Variants in MYH9 observed in about 807,000 individuals in gnomAD.
MYH9 encodes myosin-9.
MYH9 carries 29 observed loss-of-function variants against 241.9 expected under a neutral mutation model. That is an observed-to-expected ratio of 0.12 (90% CI 0.09 to 0.16). The LOEUF is 0.16. Ranked by LOEUF, MYH9 falls within the 10% of genes least tolerant of loss-of-function variation. MYH9 has a pLI of 1.00. For missense variants in MYH9, 1,803 were observed against 2,595.5 expected, an observed-to-expected ratio of 0.69 and a Z score of 6.63; for synonymous variants, 1,047 against 1,062.6, an observed-to-expected ratio of 0.99 and a Z score of 0.29.
chr22:36,381,790 T>C lies in MYH9; in HGVS notation c.-20+6017A>G, dbSNP rs924441470. Among the ~76,000 whole-genome samples the C allele has an allele frequency of 4.6e-5, 7 of 152,196 alleles. 1 individual carries two copies. The highest frequency in any genetic ancestry group is 7.4e-5 in the Non-Finnish European group (5 of 68,024). The stretch of plus-strand genomic sequence containing the variant: ...TTCAAAGGGATGCAAGGACTTCCAC[T>C]GTACAGCTGTACCATGATTTAGTTG... On this transcript the variant is annotated intron_variant, in intron 1 of 40. Transcript: ENST00000216181.
In MYH9 at chr22:36,306,700, C is replaced by T. The variant is rs1290276326; in HGVS notation, c.1844-93G>A. The T allele has an allele frequency of 7.9e-7, 1 of 1,259,818 alleles. No individual in the cohort carries two copies. Among genetic ancestry groups the T allele is most frequent in the Non-Finnish European group, 1.1e-6 (1 of 892,154 alleles). The allele number at this position is 1,259,818 out of a possible 1,614,324, so 78.0% of individuals were successfully genotyped here. On this transcript the variant is annotated intron_variant, in intron 15 of 40. Coordinates refer to ENST00000216181, the MANE Select transcript of MYH9 (RefSeq NM_002473.6). The surrounding 1 kb of genome is among the most constrained non-coding windows in gnomAD (Gnocchi z 4.1). ...GAGAGAGAGACAGGCACACGTCGGA[C>T]AGGAAAAGAGGAGACAGAATGAAAC...
At chr22:36,313,017 G>T (rs2017090198) in intron 13 of MYH9, among the ~76,000 whole-genome samples, 1 of 150,068 alleles carries the variant, frequency 6.7e-6, no homozygotes, top group Non-Finnish European at 1.5e-5. Flanking sequence ...TTCAAACAGG[G>T]AGGCAAAGGT....
Position 36,320,114 on chromosome 22 carries a change from G to C in MYH9, c.1012+106C>G. 6.6e-7 allele frequency: 1 copy of C among 1,511,168 alleles called. No homozygotes were observed. The highest frequency in any genetic ancestry group is 9.1e-7 in the Non-Finnish European group (1 of 1,095,272). 93.6% of individuals were successfully genotyped at this position (1,511,168 alleles called of 1,614,324 possible). ...CACTGAAGGCCTTCCCCTTCCCCTGGCCTCTAGCAGGCTCCCCAGGCCCAT... is the reference window on the plus strand; with the variant it reads ...CACTGAAGGCCTTCCCCTTCCCCTGCCCTCTAGCAGGCTCCCCAGGCCCAT... On this transcript the variant is annotated intron_variant, in intron 9 of 40. Coordinates refer to ENST00000216181, the MANE Select transcript of MYH9 (RefSeq NM_002473.6). The surrounding 1 kb of genome is among the most constrained non-coding windows in gnomAD (Gnocchi z 4.8).
At chr22:36,314,378 A>G in intron 12 of MYH9, 60 bp from the exon 13 acceptor site, 1 of 1,598,290 alleles carries the variant, frequency 6.3e-7, no homozygotes, top group Non-Finnish European at 8.6e-7. Context: ...AGGCCCAGAC[A>G]CCCCTTGAGA....
chr22:36,328,319 T>G (rs1017121357), intron 3 of MYH9, among the ~76,000 whole-genome samples: 1 of 152,224 alleles, frequency 6.6e-6, no homozygotes, highest in Non-Finnish European at 1.5e-5. Flanking sequence ...ATGCCCACAC[T>G]CTGAAAGCTA....
In MYH9 at chr22:36,301,055, G is replaced by A. The variant is rs2016869142; in HGVS notation, c.2634C>T (p.Leu878=). The part of the protein sequence containing the change: ...LTEMETLQSQ[L]MAEKLQLQEQ... ...CCTGCAGCTGCAATTTCTCTGCCAT[G>A]AGCTGCAAACAACAAGTGGAAAACA... Residue 878 remains leucine, a splice_region_variant and synonymous_variant, in exon 22 of 41, where the codon CTC becomes CTT. Coordinates refer to ENST00000216181, the MANE Select transcript of MYH9 (RefSeq NM_002473.6). 7 of 1,609,132 alleles carry A rather than the reference G, an allele frequency of 4.4e-6. No individual in the cohort carries two copies. Among genetic ancestry groups the A allele is most frequent in the African/African-American group, 1.3e-5 (1 of 74,924 alleles).
At chr22:36,382,045 C>T (rs531389221) in intron 1 of MYH9, among the ~76,000 whole-genome samples, 1 of 152,238 alleles carries the variant, frequency 6.6e-6, no homozygotes, top group Admixed American at 6.5e-5. Flanking sequence ...CCAGGCTGAT[C>T]TCGAACTCCT....
intron 14 of MYH9, 55 bp downstream of exon 14, chr22:36,311,994 G>A (rs1357200172): frequency 8.1e-6 from 13 of 1,599,902 alleles, no homozygotes; most frequent in African/African-American, 2.7e-5. Flanking sequence ...AGAGAGCCTC[G>A]ACTCCACCTC....
At position 36,320,518 on chromosome 22, in the gene MYH9, C is replaced by T. The variant is rs908294190; in HGVS notation, c.869-155G>A. Among the ~76,000 whole-genome samples, 2 of 152,222 alleles carry T rather than the reference C, an allele frequency of 1.3e-5. No homozygotes were observed. The highest frequency in any genetic ancestry group is 4.8e-5 in the African/African-American group (2 of 41,456). On this transcript the variant is annotated intron_variant, in intron 8 of 40. Transcript: ENST00000216181. The surrounding 1 kb of genome is among the most constrained non-coding windows in gnomAD (Gnocchi z 4.8). ...GTAGCCAGTGACGTTCAGCTTTCCT[C>T]AGTGTCTGAGACTCTGACACTCCCG...
Position 36,312,200 on chromosome 22 carries a change from G to A in MYH9, c.1577C>T (p.Ala526Val). The A allele has an allele frequency of 6.2e-7, 1 of 1,614,140 alleles. No homozygotes were observed. Among genetic ancestry groups the A allele is most frequent in the Non-Finnish European group, 8.5e-7 (1 of 1,180,026 alleles). The change falls in exon 14 of 41, where the codon GCC becomes GTC. Residue 526 changes from alanine (A) to valine (V), a missense_variant. Coordinates refer to ENST00000216181, the MANE Select transcript of MYH9 (RefSeq NM_002473.6). ...EKPAGPPGIL[A>V]LLDEECWFPK... The stretch of plus-strand genomic sequence containing the variant: ...GAACCAGCACTCCTCGTCCAGCAGG[G>A]CCAGAATGCCCGGGGGGCCTGCCTG...
intron 10 of MYH9, among the ~76,000 whole-genome samples, chr22:36,318,801 T>G (rs1390061684): frequency 6.6e-6 from 1 of 152,032 alleles, no homozygotes; most frequent in African/African-American, 2.4e-5. Flanking sequence ...CTTGCTCTTG[T>G]TGCCCAGGCT....
intron 3 of MYH9, among the ~76,000 whole-genome samples, chr22:36,339,727 A>G (rs1467979739): frequency 2.0e-5 from 3 of 152,234 alleles, no homozygotes; most frequent in Non-Finnish European, 4.4e-5. Context: ...AAAAGGATCC[A>G]TATGTAATGG....
chr22:36,340,202 ACTTT>A (rs1569536436), intron 3 of MYH9, among the ~76,000 whole-genome samples: 126 of 150,440 alleles, frequency 8.4e-4, no homozygotes, highest in African/African-American at 2.9e-3. Context: ...CTTTGCCATT[ACTTT>A]TAATGGCAAA....
At chr22:36,301,198 GCTTCCAGGTAC>G in intron 21 of MYH9, 141 bp from the exon 22 acceptor site, 3 of 851,254 alleles carry the variant, frequency 3.5e-6, no homozygotes, top group Non-Finnish European at 5.7e-6. Flanking sequence ...GAGCTCTGAA[GCTTCCAGGTAC>G]CTTCCAGACA....
intron 3 of MYH9, among the ~76,000 whole-genome samples, chr22:36,339,782 T>C (rs1265448187): frequency 6.6e-6 from 1 of 152,144 alleles, no homozygotes; most frequent in East Asian, 1.9e-4. Context: ...AACACGGCCC[T>C]GCCTGAAAAT....
intron 1 of MYH9, among the ~76,000 whole-genome samples, chr22:36,378,229 G>A (rs889935579): frequency 1.3e-5 from 2 of 151,982 alleles, no homozygotes; most frequent in African/African-American, 4.8e-5. Context: ...AGTTGCTATC[G>A]CGCCACCACA....
chr22:36,384,351 G>C (rs1354698791), intron 1 of MYH9, among the ~76,000 whole-genome samples: 3 of 151,016 alleles, frequency 2.0e-5, no homozygotes, highest in African/African-American at 7.3e-5. Context: ...GGGAGGCCGA[G>C]ATGGGCAGAT....
chr22:36,347,248 T>C (rs1301677217), intron 2 of MYH9, among the ~76,000 whole-genome samples: 2 of 152,104 alleles, frequency 1.3e-5, no homozygotes, highest in East Asian at 1.9e-4. Context: ...ACGCCCCTGA[T>C]CTGCTGCATG....
rs1336402640 is a variant in MYH9, at chr22:36,305,486, G to A, written c.2160-384C>T. Among the ~76,000 whole-genome samples, 1 of 152,182 alleles carries A rather than the reference G, an allele frequency of 6.6e-6. No homozygotes were observed. Among genetic ancestry groups the A allele is most frequent in the Non-Finnish European group, 1.5e-5 (1 of 68,032 alleles). On this transcript the variant is annotated intron_variant, in intron 17 of 40. Coordinates refer to ENST00000216181, the MANE Select transcript of MYH9 (RefSeq NM_002473.6). This position sits in a 1 kb window ranked among gnomAD's most constrained non-coding sequence, Gnocchi z 4.7. The stretch of plus-strand genomic sequence containing the variant: ...AAACAGAGATGGCCCAAGAAATAAA[G>A]GGCTGCGTCCCGACAGCAACTGACA...
Sources: gnomAD v4.1 joint callset for allele counts (sites outside exome capture counted in the v4.1 genomes callset) on GRCh38, gnomAD v4.1.1 for gene constraint, Gnocchi (gnomAD v3.1) non-coding constraint, MANE v1.5 for transcripts, NCBI Gene and HGNC (gene_info 2026-07-23, HGNC 2026-07-21) for gene names.